Variants in TBC1D32 observed in about 807,000 individuals in gnomAD.
The protein encoded by TBC1D32 is protein broad-minded.
A neutral mutation model predicts 170.3 loss-of-function variants in TBC1D32; 151 were observed. The ratio of observed to expected loss-of-function variants is 0.89; its 90% CI spans 0.78 to 1.01. The LOEUF (loss-of-function observed/expected upper bound fraction) is 1.01, where lower values mean the gene tolerates loss of function less well. Ranked by LOEUF, TBC1D32 falls within the 50% of genes least tolerant of loss-of-function variation. The pLI, the probability that TBC1D32 is intolerant of heterozygous loss-of-function variation, is 0.00. For synonymous variants in TBC1D32, 498 were observed against 488.0 expected, an observed-to-expected ratio of 1.02 and a Z score of -0.27; for missense variants, 1,464 against 1,457.1, an observed-to-expected ratio of 1.00 and a Z score of -0.08.
At chr6:121,186,031 G>A (rs1240973277) in intron 22 of TBC1D32, among the ~76,000 whole-genome samples, 2 of 152,126 alleles carry the variant, frequency 1.3e-5, no homozygotes, top group Admixed American at 1.3e-4. Context: ...GAACTAAAGA[G>A]TAGAAGGGAA....
intron 24 of TBC1D32, among the ~76,000 whole-genome samples, chr6:121,157,574 T>A (rs931662588): frequency 5.9e-5 from 9 of 152,100 alleles, no homozygotes; most frequent in African/African-American, 1.9e-4. Context: ...TTTATAGACT[T>A]GATGGTGTAA....
At chr6:121,275,560 T>G (rs887123006) in intron 15 of TBC1D32, among the ~76,000 whole-genome samples, 1 of 152,158 alleles carries the variant, frequency 6.6e-6, no homozygotes, top group Non-Finnish European at 1.5e-5. Context: ...ACAAGATCTT[T>G]CATTCATTAG....
chr6:121,170,395 C>A, intron 22 of TBC1D32: 1 of 1,592,434 alleles, frequency 6.3e-7, no homozygotes. Flanking sequence ...TTTTAATCAC[C>A]CATTTTTACC....
intron 31 of TBC1D32, among the ~76,000 whole-genome samples, chr6:121,084,921 T>C (rs1308205376): frequency 6.6e-6 from 1 of 152,000 alleles, no homozygotes; most frequent in African/African-American, 2.4e-5. Context: ...TTTTAAAATA[T>C]AATATAGCTC....
At chr6:121,147,196 C>G (rs1436234101) in intron 24 of TBC1D32, among the ~76,000 whole-genome samples, 1 of 152,082 alleles carries the variant, frequency 6.6e-6, no homozygotes, top group Non-Finnish European at 1.5e-5. Context: ...GAATATGCAC[C>G]ATATTCTCTT....
chr6:121,115,050 A>C, intron 27 of TBC1D32, 122 bp downstream of exon 27: 1 of 640,378 alleles, frequency 1.6e-6, no homozygotes, highest in Non-Finnish European at 2.4e-6. Context: ...TTTCCGAATG[A>C]TAAACTCTGC....
rs1776748404 is a variant in TBC1D32, at chr6:121,091,053, A to AG, written c.3466-13_3466-12insC. ...CATTGCAGGCAAATCTTTAAAAAAA[A>AG]AAAGTAGTAAGTTCATTAAAAAATT... On this transcript the variant is annotated splice_polypyrimidine_tract_variant and intron_variant, in intron 30 of 31. Transcript: ENST00000398212. The AG allele has an allele frequency of 1.9e-6, 3 of 1,575,522 alleles. No individual in the cohort carries two copies. Among genetic ancestry groups the AG allele is most frequent in the Admixed American group, 2.1e-5 (1 of 48,290 alleles).
intron 3 of TBC1D32, among the ~76,000 whole-genome samples, chr6:121,317,262 T>C (rs75958231): frequency 0.012 from 1,874 of 152,226 alleles, 39 homozygotes; most frequent in African/African-American, 0.043. Context: ...CTAACATACA[T>C]TAATTTTCTC....
intron 20 of TBC1D32, among the ~76,000 whole-genome samples, chr6:121,231,471 C>T (rs1049344636): frequency 1.3e-5 from 2 of 152,086 alleles, no homozygotes; most frequent in Non-Finnish European, 2.9e-5. Context: ...AGTAGATCTA[C>T]TTTTAGTTCT....
intron 20 of TBC1D32, among the ~76,000 whole-genome samples, chr6:121,227,253 T>A (rs577664091): frequency 6.6e-5 from 10 of 152,246 alleles, no homozygotes; most frequent in African/African-American, 2.2e-4. Flanking sequence ...GAGGATCTTT[T>A]GTTTGTGCTG....
intron 21 of TBC1D32, among the ~76,000 whole-genome samples, chr6:121,222,579 G>GA (rs200048670): frequency 2.4e-5 from 3 of 126,642 alleles, no homozygotes; most frequent in African/African-American, 7.5e-5. Flanking sequence ...CTATGTTTAT[G>GA]AAAAAAAAAT....
At position 121,172,134 on chromosome 6, in the gene TBC1D32, A is replaced by C. The variant is rs555233330; in HGVS notation, c.2571-11078T>G. 1.6e-4 allele frequency among the ~76,000 whole-genome samples: 25 copies of C among 152,210 alleles called. 1 individual carries two copies. The East Asian group carries it at 3.5e-3, about 21-fold the overall frequency. On this transcript the variant is annotated intron_variant, in intron 22 of 31. Transcript: ENST00000398212. Reference sequence around the variant, plus strand: ...ATTCTCTCTTGAATGCCACCACGTAAGATGTGCCTTTCACCTTCCACCATG... The same window carrying C: ...ATTCTCTCTTGAATGCCACCACGTACGATGTGCCTTTCACCTTCCACCATG...
chr6:121,294,457 T>A, intron 11 of TBC1D32, 113 bp downstream of exon 11: 1 of 676,176 alleles, frequency 1.5e-6, no homozygotes, highest in South Asian at 2.0e-5. Flanking sequence ...TTAGTAAAAG[T>A]GACCTAATTT....
intron 30 of TBC1D32, among the ~76,000 whole-genome samples, chr6:121,092,940 C>T (rs1436815219): frequency 2.6e-5 from 4 of 152,042 alleles, no homozygotes; most frequent in African/African-American, 7.2e-5. Context: ...GACATTATTA[C>T]TCATATCAAT....
At chr6:121,268,818 C>T (rs931631077) in intron 15 of TBC1D32, among the ~76,000 whole-genome samples, 16 of 152,134 alleles carry the variant, frequency 1.1e-4, no homozygotes, top group African/African-American at 3.9e-4. Context: ...GTCAGATTCA[C>T]CAAAGTTCAA....
At chr6:121,102,001 G>T (rs1236673078) in intron 30 of TBC1D32, among the ~76,000 whole-genome samples, 1 of 152,034 alleles carries the variant, frequency 6.6e-6, no homozygotes, top group Non-Finnish European at 1.5e-5. Context: ...GCTTCAAAGA[G>T]AATAAAATAC....
At chr6:121,183,804 T>C (rs1788837178) in intron 22 of TBC1D32, among the ~76,000 whole-genome samples, 1 of 151,428 alleles carries the variant, frequency 6.6e-6, no homozygotes, top group African/African-American at 2.4e-5. Context: ...CAATGGAGAG[T>C]TGCAGAATTT....
intron 27 of TBC1D32, among the ~76,000 whole-genome samples, chr6:121,114,851 C>T (rs1779531954): frequency 6.6e-6 from 1 of 152,134 alleles, no homozygotes; most frequent in South Asian, 2.1e-4. Context: ...TGGAATTAAT[C>T]ATATTCTAGA....
At chr6:121,183,221 C>G (rs551020262) in intron 22 of TBC1D32, among the ~76,000 whole-genome samples, 2 of 152,204 alleles carry the variant, frequency 1.3e-5, no homozygotes, top group Admixed American at 6.5e-5. Flanking sequence ...GAAGGAAAGA[C>G]AGTAAAATTC....
Sources: allele counts gnomAD v4.1 joint callset (sites outside exome capture counted in the v4.1 genomes callset), GRCh38; gene constraint gnomAD v4.1.1; transcripts MANE v1.5; gene names NCBI Gene and HGNC (gene_info 2026-07-23, HGNC 2026-07-21).